SYT1: variants seen among roughly 807,000 people sequenced by gnomAD.
SYT1 encodes the protein synaptotagmin-1.
SYT1 carries 8 observed loss-of-function variants against 44.8 expected under a neutral mutation model. That is an observed-to-expected ratio of 0.18 (90% CI 0.10 to 0.32). The LOEUF (loss-of-function observed/expected upper bound fraction) is 0.32, where lower values mean the gene tolerates loss of function less well. Ranked by LOEUF, SYT1 falls within the 10% of genes least tolerant of loss-of-function variation. The pLI, the probability that SYT1 is intolerant of heterozygous loss-of-function variation, is 1.00. For synonymous variants in SYT1, 154 were observed against 188.8 expected (o/e 0.82, Z 1.51); for missense variants, 286 against 509.3 (o/e 0.56, Z 4.22).
chr12:79,268,054 G>A (rs887887409), intron 4 of SYT1, among the ~76,000 whole-genome samples: 1 of 152,152 alleles, frequency 6.6e-6, no homozygotes, highest in Non-Finnish European at 1.5e-5. Flanking sequence ...AGAAACATCA[G>A]TAACCTTAAT....
chr12:78,876,586 C>T (rs575444965), intron 1 of SYT1, among the ~76,000 whole-genome samples: 66 of 134,272 alleles, frequency 4.9e-4, no homozygotes, highest in African/African-American at 1.4e-3. Context: ...TACACACACA[C>T]GTATACATAT....
intron 3 of SYT1, among the ~76,000 whole-genome samples, chr12:79,178,981 GATATATCT>G (rs1219844510): frequency 9.4e-5 from 9 of 95,308 alleles, no homozygotes; most frequent in African/African-American, 1.8e-4. Context: ...TATAGATATA[GATATATCT>G]ATATAGATAT....
chr12:79,271,562 G>T (rs1295495135), intron 4 of SYT1, among the ~76,000 whole-genome samples: 2 of 152,152 alleles, frequency 1.3e-5, no homozygotes, highest in Non-Finnish European at 2.9e-5. Flanking sequence ...TAAGCTTCAT[G>T]ATTGCACAAA....
chr12:79,235,001 G>T (rs867206253), intron 4 of SYT1, among the ~76,000 whole-genome samples: 2 of 152,060 alleles, frequency 1.3e-5, no homozygotes, highest in Non-Finnish European at 2.9e-5. Context: ...GAGCCACTGC[G>T]CCCAGCCTAG....
chr12:79,405,936 T>G (rs1885228878), intron 9 of SYT1, among the ~76,000 whole-genome samples: 1 of 152,074 alleles, frequency 6.6e-6, no homozygotes, highest in East Asian at 1.9e-4. Flanking sequence ...TCTTATTAAC[T>G]GGAGAGTCAA....
intron 1 of SYT1, among the ~76,000 whole-genome samples, chr12:78,963,220 A>G (rs56862885): frequency 0.01 from 1,589 of 152,218 alleles, 35 homozygotes; most frequent in African/African-American, 0.036. Flanking sequence ...GTATTCTTAA[A>G]ATATGTTTAT....
rs747581154 is a variant in SYT1, at chr12:79,252,751, C to T, written c.167-33036C>T. 5.9e-5 allele frequency among the ~76,000 whole-genome samples: 9 copies of T among 152,108 alleles called. No individual in the cohort carries two copies. In the South Asian group the frequency reaches 1.0e-3, roughly 17 times the overall value. The stretch of plus-strand genomic sequence containing the variant: ...TTGTGGTGTTATACCCCTGAGACTT[C>T]GGATTGTTTGTGACATTACTGGTGC... On this transcript the variant is annotated intron_variant, in intron 4 of 10. Coordinates refer to ENST00000261205, the MANE Select transcript of SYT1 (RefSeq NM_005639.3).
chr12:79,305,965 G>A (rs556904356), intron 8 of SYT1, among the ~76,000 whole-genome samples: 2 of 152,270 alleles, frequency 1.3e-5, no homozygotes, highest in South Asian at 4.1e-4. Flanking sequence ...CCAAAGTGCT[G>A]GGATTACACG....
chr12:79,336,746 C>T (rs1048338544), intron 8 of SYT1, among the ~76,000 whole-genome samples: 1 of 152,210 alleles, frequency 6.6e-6, no homozygotes, highest in Non-Finnish European at 1.5e-5. Context: ...CCTTCCACCT[C>T]GGCCTCTGGA....
At chr12:79,412,617 A>G (rs1042753080) in intron 9 of SYT1, among the ~76,000 whole-genome samples, 1 of 152,122 alleles carries the variant, frequency 6.6e-6, no homozygotes, top group African/African-American at 2.4e-5. Context: ...CACCTACTGT[A>G]ACACTATTGT....
intron 3 of SYT1, among the ~76,000 whole-genome samples, chr12:79,146,882 C>T (rs1449742303): frequency 6.6e-6 from 1 of 152,000 alleles, no homozygotes; most frequent in African/African-American, 2.4e-5. Flanking sequence ...ACTCTGTCGC[C>T]CAGGCTAGAG....
At chr12:79,435,926 G>A (rs1203340318) in intron 9 of SYT1, among the ~76,000 whole-genome samples, 1 of 152,100 alleles carries the variant, frequency 6.6e-6, no homozygotes, top group Admixed American at 6.6e-5. Flanking sequence ...GCCCCCCGCT[G>A]AGAACCCCTG....
chr12:79,017,699 C>T (rs1196399866), intron 2 of SYT1, among the ~76,000 whole-genome samples: 1 of 152,022 alleles, frequency 6.6e-6, no homozygotes, highest in African/African-American at 2.4e-5. Context: ...GATAAAGGTC[C>T]TGCATGCTCT....
chr12:79,285,876 A>C lies in SYT1; in HGVS notation c.256A>C (p.Lys86Gln). ...TTGTATCTGTAAGAAATGTTTGTTC[A>C]AAAAGAAAAACAAGAAGAAGGGAAA... ...CFCICKKCLF[K>Q]KKNKKKGKEK... is the part of the protein sequence containing the mutation. Residue 86 changes from lysine (K) to glutamine (Q), a missense_variant, in exon 5 of 11, where the codon AAA becomes CAA. Lys to Gln is a moderately conservative substitution (Grantham distance 53, BLOSUM62 1). This residue lies in a region of SYT1 where 141 missense variants were observed against 165.7 expected (regional missense o/e 0.85). Coordinates refer to ENST00000261205, the MANE Select transcript of SYT1 (RefSeq NM_005639.3). 1 of 1,613,986 alleles carries C rather than the reference A, an allele frequency of 6.2e-7. No individual in the cohort carries two copies. The highest frequency in any genetic ancestry group is 8.5e-7 in the Non-Finnish European group (1 of 1,179,942).
At chr12:79,330,753 AGAAC>A (rs1881818494) in intron 8 of SYT1, among the ~76,000 whole-genome samples, 2 of 152,182 alleles carry the variant, frequency 1.3e-5, no homozygotes, top group African/African-American at 4.8e-5. Flanking sequence ...TTAAATCCAC[AGAAC>A]GGTCCTTTCA....
rs189992937 is a variant in SYT1 at position 78,955,888 on chromosome 12, A to G, written c.-216-21911A>G. Among the ~76,000 whole-genome samples the G allele has an allele frequency of 8.5e-4, 128 of 150,814 alleles. 1 individual carries two copies. Among genetic ancestry groups the G allele is most frequent in the Non-Finnish European group, 8.1e-4 (55 of 67,852 alleles). ...AGCACTCAAATGCAATGTCTGCACT[A>G]TCAATTGCATTTTCCCCTATCTTTT... On this transcript the variant is annotated intron_variant, in intron 1 of 10. Transcript: ENST00000261205.
chr12:79,392,632 A>G (rs1034785120), intron 9 of SYT1: 3 of 152,160 alleles, frequency 2.0e-5, no homozygotes, highest in Non-Finnish European at 4.4e-5. Flanking sequence ...ACAAATGTTT[A>G]TGTCTGATGA....
At chr12:79,253,483 GTCTCTC>G (rs60179268) in intron 4 of SYT1, among the ~76,000 whole-genome samples, 34,732 of 129,288 alleles carry the variant, frequency 0.27, 5,607 homozygotes, top group African/African-American at 0.5. Context: ...CCATTGCCCA[GTCTCTC>G]TCTCTCTCTC....
intron 2 of SYT1, among the ~76,000 whole-genome samples, chr12:79,032,105 G>A (rs1489611084): frequency 6.6e-6 from 1 of 151,144 alleles, no homozygotes; most frequent in Non-Finnish European, 1.5e-5. Flanking sequence ...TGATTCAACT[G>A]TACCACCAGA....
Sources: allele counts gnomAD v4.1 joint callset (sites outside exome capture counted in the v4.1 genomes callset), GRCh38; gene constraint gnomAD v4.1.1; regional missense constraint gnomAD v4.1.1; transcripts MANE v1.5; gene names NCBI Gene and HGNC (gene_info 2026-07-23, HGNC 2026-07-21).